Variants in METTL25 observed in about 807,000 individuals in gnomAD.
The protein encoded by METTL25 is methyltransferase like 25, also known as probable methyltransferase-like protein 25.
METTL25 carries 64 observed loss-of-function variants against 71.6 expected under a neutral mutation model. The observed-to-expected ratio is 0.89, with a 90% CI of 0.73 to 1.10. The LOEUF (loss-of-function observed/expected upper bound fraction) is 1.10. Among genes scored for constraint, METTL25 ranks in the 50% least tolerant of loss-of-function variants. The pLI, the probability that METTL25 is intolerant of heterozygous loss-of-function variation, is 0.00. For missense variants in METTL25, 807 were observed against 707.0 expected, an observed-to-expected ratio of 1.14 and a Z score of -1.60; for synonymous variants, 287 against 250.3, an observed-to-expected ratio of 1.15 and a Z score of -1.38.
intron 8 of METTL25, among the ~76,000 whole-genome samples, chr12:82,456,085 G>T (rs1565879231): frequency 1.3e-5 from 2 of 151,762 alleles, no homozygotes; most frequent in Non-Finnish European, 1.5e-5. Context: ...AGTAAATGAG[G>T]CTTCATTCCT....
chr12:82,377,232 A>ACC (rs767022959), intron 1 of METTL25, among the ~76,000 whole-genome samples: 7 of 152,204 alleles, frequency 4.6e-5, no homozygotes, highest in Non-Finnish European at 7.3e-5. Flanking sequence ...AAAAGTAAAT[A>ACC]TCACATGTGG....
chr12:82,378,355 C>T (rs1243144568), intron 1 of METTL25, among the ~76,000 whole-genome samples: 1 of 152,144 alleles, frequency 6.6e-6, no homozygotes, highest in Non-Finnish European at 1.5e-5. Context: ...CTATACACAT[C>T]ATTACAAAAA....
At chr12:82,400,812 A>G (rs531981401) in intron 4 of METTL25, among the ~76,000 whole-genome samples, 139 of 152,258 alleles carry the variant, frequency 9.1e-4, no homozygotes, top group African/African-American at 3.2e-3. Context: ...TTTTACTAGT[A>G]GGATAATATG....
rs1409837551 is a variant in METTL25, at chr12:82,386,871, C to G, written c.328C>G (p.Leu110Val). 4 of 1,613,380 alleles carry G rather than the reference C, an allele frequency of 2.5e-6. No homozygotes were observed. The highest frequency in any genetic ancestry group is 1.3e-5 in the African/African-American group (1 of 74,868). Residue 110 changes from leucine (L) to valine (V), a missense_variant, in exon 2 of 12, where the codon CTG (leucine) becomes GTG (valine). By Grantham distance (32) the Leu-to-Val change is conservative. Coordinates refer to ENST00000248306, the MANE Select transcript of METTL25 (RefSeq NM_032230.3). ...GTTGGTGAGTGTGGAAGCCTTTGCT[C>G]TGGCTGCGAAATACTATTCTGTACA... is the stretch of plus-strand genomic sequence containing the variant. ...QKLVSVEAFALAAKYYSVQNL... is the reference protein window; with the variant it reads ...QKLVSVEAFAVAAKYYSVQNL...
chr12:82,476,820 CTT>C, intron 10 of METTL25, 102 bp downstream of exon 10: 2 of 697,496 alleles, frequency 2.9e-6, no homozygotes, highest in Non-Finnish European at 4.7e-6. Context: ...TTGTTTTTCT[CTT>C]ACTGTAGAAA....
intron 8 of METTL25, among the ~76,000 whole-genome samples, chr12:82,450,844 CCT>C (rs1168324997): frequency 1.3e-5 from 2 of 152,088 alleles, no homozygotes; most frequent in Non-Finnish European, 2.9e-5. Flanking sequence ...GTTAGCTCAG[CCT>C]CTTTCTTCAG....
chr12:82,422,750 T>C (rs935026548), intron 5 of METTL25, among the ~76,000 whole-genome samples: 2 of 152,004 alleles, frequency 1.3e-5, no homozygotes, highest in South Asian at 2.1e-4. Flanking sequence ...TATACACCAA[T>C]AACAGACAAA....
chr12:82,377,660 A>G (rs1817674265), intron 1 of METTL25, among the ~76,000 whole-genome samples: 1 of 152,228 alleles, frequency 6.6e-6, no homozygotes, highest in South Asian at 2.1e-4. Context: ...TGCTTTGAAT[A>G]TTTAAAATAA....
chr12:82,407,863 A>C, intron 5 of METTL25: 1 of 985,340 alleles, frequency 1.0e-6, no homozygotes, highest in South Asian at 4.7e-5. Context: ...CAAAAACCAG[A>C]TGGAAAAGGT....
At chr12:82,406,689 T>C (rs1887126378) in intron 5 of METTL25, among the ~76,000 whole-genome samples, 1 of 152,182 alleles carries the variant, frequency 6.6e-6, no homozygotes, top group Non-Finnish European at 1.5e-5. Flanking sequence ...ATCTTTGTTT[T>C]CTTTATCATC....
At chr12:82,368,318 AT>A (rs1479133939) in intron 1 of METTL25, among the ~76,000 whole-genome samples, 2 of 151,928 alleles carry the variant, frequency 1.3e-5, no homozygotes, top group Non-Finnish European at 2.9e-5. Context: ...TGGTGCCTAC[AT>A]TTTTTTTAGC....
intron 8 of METTL25, among the ~76,000 whole-genome samples, chr12:82,443,901 A>G (rs754559833): frequency 1.3e-5 from 2 of 152,142 alleles, no homozygotes; most frequent in African/African-American, 2.4e-5. Flanking sequence ...TTTTCCCATT[A>G]GGCCCCACCT....
intron 5 of METTL25, among the ~76,000 whole-genome samples, chr12:82,426,912 CTT>C (rs1889076097): frequency 6.6e-6 from 1 of 151,960 alleles, no homozygotes; most frequent in African/African-American, 2.4e-5. Context: ...AGCTTCACCA[CTT>C]TGTCTCTAGA....
At chr12:82,461,762 G>A (rs953643761) in intron 9 of METTL25, among the ~76,000 whole-genome samples, 2 of 152,164 alleles carry the variant, frequency 1.3e-5, no homozygotes, top group African/African-American at 4.8e-5. Context: ...AGATTTGCTT[G>A]TATCCAGGAC....
At position 82,394,826 on chromosome 12, in the gene METTL25, G is replaced by T. The variant is rs565864683; in HGVS notation, c.532-3969G>T. ...AGGTCAAGTAAGACCTCATTGTAACGATAATAGAGTTAAAACCTTCGGGAG... is the reference window on the plus strand; with the variant it reads ...AGGTCAAGTAAGACCTCATTGTAACTATAATAGAGTTAAAACCTTCGGGAG... On this transcript the variant is annotated intron_variant, in intron 3 of 11. Transcript: ENST00000248306. Among the ~76,000 whole-genome samples the T allele has an allele frequency of 3.3e-5, 5 of 151,984 alleles. No homozygotes were observed. The East Asian group carries it at 9.7e-4, about 29-fold the overall frequency.
intron 5 of METTL25, among the ~76,000 whole-genome samples, chr12:82,406,511 T>C (rs1310777735): frequency 3.3e-5 from 5 of 152,152 alleles, no homozygotes; most frequent in Non-Finnish European, 7.4e-5. Flanking sequence ...TGCTTTAGTC[T>C]TTTTCATTTT....
chr12:82,416,382 T>C (rs1887984180), intron 5 of METTL25, among the ~76,000 whole-genome samples: 1 of 152,040 alleles, frequency 6.6e-6, no homozygotes, highest in Admixed American at 6.6e-5. Flanking sequence ...TATTCTTCAT[T>C]ATTTTATTAA....
Position 82,456,765 on chromosome 12 carries a change from C to A in METTL25, c.1517C>A (p.Ser506Tyr). ...GGTAAAATTTATTCCAAATGTTCTT[C>A]TTTTCTGGATTATGTCAGACGGTCT... The part of the protein sequence containing the change: ...HVGKIYSKCS[S>Y]FLDYVRRSLK... Residue 506 changes from serine (S) to tyrosine (Y), a missense_variant, in exon 9 of 12, where the codon TCT becomes TAT. Transcript: ENST00000248306. The A allele has an allele frequency of 6.2e-7, 1 of 1,603,916 alleles. No homozygotes were observed. The highest frequency in any genetic ancestry group is 8.5e-7 in the Non-Finnish European group (1 of 1,174,670).
intron 9 of METTL25, among the ~76,000 whole-genome samples, chr12:82,463,755 T>C (rs550529583): frequency 6.6e-6 from 1 of 152,128 alleles, no homozygotes; most frequent in South Asian, 2.1e-4. Context: ...TGTTATTTTT[T>C]ATCTTTTTTC....
Sources: allele counts gnomAD v4.1 joint callset (sites outside exome capture counted in the v4.1 genomes callset), GRCh38; gene constraint gnomAD v4.1.1; transcripts MANE v1.5; gene names NCBI Gene and HGNC (gene_info 2026-07-23, HGNC 2026-07-21).